Variants in LRP1B observed in about 807,000 individuals in gnomAD.
LRP1B encodes low-density lipoprotein receptor-related protein 1B.
Under a neutral mutation model 556.6 loss-of-function variants are expected in LRP1B, and 217 were observed. The ratio of observed to expected loss-of-function variants is 0.39; its 90% CI spans 0.35 to 0.44. The LOEUF (loss-of-function observed/expected upper bound fraction) is 0.44. Among genes scored for constraint, LRP1B ranks in the 20% least tolerant of loss-of-function variants. The pLI, the probability that LRP1B is intolerant of heterozygous loss-of-function variation, is 1.00. For synonymous variants in LRP1B, 2,047 were observed against 1,865.8 expected, an observed-to-expected ratio of 1.10 and a Z score of -2.50; for missense variants, 5,053 against 5,620.8, an observed-to-expected ratio of 0.90 and a Z score of 3.23.
rs1320242422 is a variant in LRP1B at position 140,492,571 on chromosome 2, T to C, written c.9120+37A>G. 3 of 1,395,698 alleles carry C rather than the reference T, an allele frequency of 2.1e-6. No individual in the cohort carries two copies. In the South Asian group the frequency reaches 3.5e-5, roughly 16 times the overall value. 86.5% of individuals were successfully genotyped at this position (1,395,698 alleles called of 1,614,324 possible). ...AGCTCTAACACATACCTAGTGCACA[T>C]GTTAAATGTTACGGTGTCATCTTGG... On this transcript the variant is annotated intron_variant, in intron 57 of 90. Transcript: ENST00000389484.
At chr2:140,979,536 A>G (rs1696702912) in intron 18 of LRP1B, among the ~76,000 whole-genome samples, 1 of 152,162 alleles carries the variant, frequency 6.6e-6, no homozygotes, top group African/African-American at 2.4e-5. Flanking sequence ...TTCCACATTC[A>G]GAGAATCATG....
intron 3 of LRP1B, among the ~76,000 whole-genome samples, chr2:141,267,217 G>A (rs1325290834): frequency 6.6e-6 from 1 of 152,100 alleles, no homozygotes; most frequent in Non-Finnish European, 1.5e-5. Context: ...AGACACAATG[G>A]TAGCTCAAAG....
At chr2:141,030,196 T>G (rs1041635188) in intron 11 of LRP1B, among the ~76,000 whole-genome samples, 2 of 152,142 alleles carry the variant, frequency 1.3e-5, no homozygotes, top group African/African-American at 4.8e-5. Context: ...ACAAATTACT[T>G]TTTTCAAATA....
intron 7 of LRP1B, among the ~76,000 whole-genome samples, chr2:141,150,191 T>C (rs1701886377): frequency 6.6e-6 from 1 of 152,158 alleles, no homozygotes; most frequent in Admixed American, 6.6e-5. Context: ...CACCAATACG[T>C]GGATGAGAAC....
At chr2:141,407,166 G>T (rs1690674442) in intron 3 of LRP1B, among the ~76,000 whole-genome samples, 1 of 151,790 alleles carries the variant, frequency 6.6e-6, no homozygotes, top group African/African-American at 2.4e-5. Context: ...TGCTACTCTT[G>T]GTTCTAAATA....
intron 1 of LRP1B, among the ~76,000 whole-genome samples, chr2:142,002,860 G>C (rs1232920019): frequency 6.6e-6 from 1 of 152,108 alleles, no homozygotes; most frequent in East Asian, 1.9e-4. Context: ...TCTTCGTCAG[G>C]AGGCAATGCG....
intron 32 of LRP1B, among the ~76,000 whole-genome samples, chr2:140,787,781 C>T (rs2104978132): frequency 6.6e-6 from 1 of 151,772 alleles, no homozygotes; most frequent in Non-Finnish European, 1.5e-5. Context: ...CATTATATTG[C>T]CCAGGCTTGT....
At chr2:141,223,422 T>C (rs1428533926) in intron 6 of LRP1B, among the ~76,000 whole-genome samples, 3 of 152,288 alleles carry the variant, frequency 2.0e-5, no homozygotes, top group South Asian at 2.1e-4. Flanking sequence ...TGCTCATGGA[T>C]AGAAGAATCA....
chr2:141,698,379 G>C (rs1487132455), intron 2 of LRP1B, among the ~76,000 whole-genome samples: 1 of 151,538 alleles, frequency 6.6e-6, no homozygotes, highest in Non-Finnish European at 1.5e-5. Context: ...ACAGCAGGTT[G>C]GCCTAATGGA....
chr2:141,108,441 C>CA, intron 7 of LRP1B, among the ~76,000 whole-genome samples: 2 of 148,510 alleles, frequency 1.3e-5, no homozygotes, highest in Non-Finnish European at 3.0e-5. Flanking sequence ...CTCCTCCTCC[C>CA]AGGTTCAAGC....
At chr2:141,581,407 T>G (rs762425794) in intron 2 of LRP1B, among the ~76,000 whole-genome samples, 4 of 152,178 alleles carry the variant, frequency 2.6e-5, no homozygotes, top group African/African-American at 4.8e-5. Flanking sequence ...ATTACATCTT[T>G]TATTTTTTTG....
At chr2:140,580,268 T>A (rs1163619520) in intron 43 of LRP1B, among the ~76,000 whole-genome samples, 1 of 152,172 alleles carries the variant, frequency 6.6e-6, no homozygotes, top group Non-Finnish European at 1.5e-5. Context: ...TCTGGAAATA[T>A]TAAATATTGG....
intron 47 of LRP1B, among the ~76,000 whole-genome samples, chr2:140,526,810 A>G (rs1690457734): frequency 1.3e-5 from 2 of 151,746 alleles, no homozygotes. Context: ...GGAAATCCCA[A>G]CCTGGTTGCC....
At position 141,550,394 on chromosome 2, in the gene LRP1B, C is replaced by T. The variant is rs1006879567; in HGVS notation, c.206-69861G>A. Reference sequence around the variant, plus strand: ...AGATTTTTAAATTTTTCTCATTCTACAATACGTAGAACTATTGCCATTTGT... The same window carrying T: ...AGATTTTTAAATTTTTCTCATTCTATAATACGTAGAACTATTGCCATTTGT... On this transcript the variant is annotated intron_variant, in intron 2 of 90. Coordinates refer to ENST00000389484, the MANE Select transcript of LRP1B (RefSeq NM_018557.3). 9.9e-5 allele frequency among the ~76,000 whole-genome samples: 15 copies of T among 152,208 alleles called. No homozygotes were observed. In the South Asian group the frequency reaches 3.1e-3, roughly 32 times the overall value.
chr2:141,643,912 A>G (rs1328372453), intron 2 of LRP1B, among the ~76,000 whole-genome samples: 1 of 152,054 alleles, frequency 6.6e-6, no homozygotes, highest in Non-Finnish European at 1.5e-5. Context: ...GGCTGCTGCA[A>G]GGATTAGAAT....
intron 2 of LRP1B, among the ~76,000 whole-genome samples, chr2:141,491,418 A>G (rs948764606): frequency 6.6e-6 from 1 of 152,186 alleles, no homozygotes; most frequent in Admixed American, 6.6e-5. Flanking sequence ...TCAGAAATAC[A>G]GAATAGAAGA....
intron 41 of LRP1B, among the ~76,000 whole-genome samples, chr2:140,644,188 T>C (rs188798090): frequency 3.3e-5 from 5 of 152,258 alleles, no homozygotes; most frequent in African/African-American, 4.8e-5. Context: ...AGTGGCAGGG[T>C]CCTGCTGTAC....
At chr2:140,627,220 G>T (rs1295162815) in intron 41 of LRP1B, among the ~76,000 whole-genome samples, 2 of 152,260 alleles carry the variant, frequency 1.3e-5, no homozygotes, top group Middle Eastern at 3.4e-3. Flanking sequence ...GACTTGATTG[G>T]ATTGAAGGAT....
intron 2 of LRP1B, among the ~76,000 whole-genome samples, chr2:141,604,658 C>T (rs927597758): frequency 3.3e-5 from 5 of 152,182 alleles, no homozygotes; most frequent in African/African-American, 1.2e-4. Context: ...GTGGTGCCTT[C>T]GTTTTAGCCT....
Sources: gnomAD v4.1 joint callset for allele counts (sites outside exome capture counted in the v4.1 genomes callset) on GRCh38, gnomAD v4.1.1 for gene constraint, MANE v1.5 for transcripts, NCBI Gene and HGNC (gene_info 2026-07-23, HGNC 2026-07-21) for gene names.